The following RABGAP1L variants were observed in gnomAD, a reference collection of about 807,000 sequenced individuals.
The protein encoded by RABGAP1L is RAB GTPase activating protein 1 like.
In RABGAP1L, 63 loss-of-function variants were observed where a neutral mutation model predicts 137.7. The ratio of observed to expected loss-of-function variants is 0.46; its 90% CI spans 0.37 to 0.56. RABGAP1L has a LOEUF of 0.56. RABGAP1L is among the 20% of genes least tolerant of loss of function. The probability of loss-of-function intolerance (pLI) is 0.00; values close to 1 mark genes in which losing one functional copy is unlikely to be tolerated. For missense variants in RABGAP1L, 1,095 were observed against 1,244.0 expected (o/e 0.88, Z 1.80); for synonymous variants, 431 against 433.7 (o/e 0.99, Z 0.08).
intron 13 of RABGAP1L, among the ~76,000 whole-genome samples, chr1:174,444,823 T>G (rs1363645800): frequency 6.6e-6 from 1 of 152,054 alleles, no homozygotes; most frequent in African/African-American, 2.4e-5. Context: ...TGAGTCTTCT[T>G]TCTTTTTTGC....
intron 1 of RABGAP1L, among the ~76,000 whole-genome samples, chr1:174,203,072 C>G (rs1668247572): frequency 6.6e-6 from 1 of 152,134 alleles, no homozygotes; most frequent in Non-Finnish European, 1.5e-5. Context: ...GTCATGAAAT[C>G]TTTGCCTGTT....
chr1:174,311,044 G>C (rs945317529), intron 11 of RABGAP1L, among the ~76,000 whole-genome samples: 1 of 151,816 alleles, frequency 6.6e-6, no homozygotes, highest in Non-Finnish European at 1.5e-5. Context: ...GCCTCCCCCT[G>C]CAACCCATCA....
intron 13 of RABGAP1L, among the ~76,000 whole-genome samples, chr1:174,629,768 C>T (rs1389063900): frequency 6.6e-6 from 1 of 152,200 alleles, no homozygotes; most frequent in Non-Finnish European, 1.5e-5. Context: ...AGGCAATCCG[C>T]CCGCCTCAGC....
At chr1:174,497,459 T>G (rs1459322835) in intron 13 of RABGAP1L, among the ~76,000 whole-genome samples, 3 of 152,214 alleles carry the variant, frequency 2.0e-5, no homozygotes, top group Non-Finnish European at 4.4e-5. Context: ...TGCATTTTTG[T>G]TTTCAGCCCT....
chr1:174,230,018 A>G (rs1670503722), intron 3 of RABGAP1L, among the ~76,000 whole-genome samples: 1 of 152,126 alleles, frequency 6.6e-6, no homozygotes, highest in Admixed American at 6.5e-5. Flanking sequence ...ACAATGATAG[A>G]CTGGATTAAG....
intron 13 of RABGAP1L, among the ~76,000 whole-genome samples, chr1:174,540,771 A>T (rs1192017488): frequency 2.0e-5 from 3 of 152,194 alleles, no homozygotes; most frequent in Non-Finnish European, 4.4e-5. Context: ...TGTCTTGGCA[A>T]TGTGGGTTCT....
intron 13 of RABGAP1L, among the ~76,000 whole-genome samples, chr1:174,511,675 C>A (rs535975598): frequency 6.7e-6 from 1 of 149,942 alleles, no homozygotes; most frequent in African/African-American, 2.5e-5. Context: ...CAGGCTGGAG[C>A]GCAATGGCGT....
At chr1:174,720,253 A>ATAGG (rs758477089) in intron 17 of RABGAP1L, among the ~76,000 whole-genome samples, 1 of 87,936 alleles carries the variant, frequency 1.1e-5, no homozygotes, top group African/African-American at 7.8e-5. Flanking sequence ...CTAGATGTAG[A>ATAGG]TAGATAGATA....
rs193080496 is a variant in RABGAP1L at position 174,192,775 on chromosome 1, G to T, written c.-33-26350G>T. Among the ~76,000 whole-genome samples the T allele has an allele frequency of 1.3e-4, 20 of 152,222 alleles. No homozygotes were observed. The East Asian group carries it at 3.9e-3, about 29-fold the overall frequency. ...AGTGAAAGCCCCCACATGAAAATAGGAGAACAAAGGAATAGGTTTTTTGCC... is the reference window on the plus strand; with the variant it reads ...AGTGAAAGCCCCCACATGAAAATAGTAGAACAAAGGAATAGGTTTTTTGCC... On this transcript the variant is annotated intron_variant, in intron 1 of 25. Coordinates refer to ENST00000681986, the MANE Select transcript of RABGAP1L (RefSeq NM_001366446.1).
At position 174,328,004 on chromosome 1, in the gene RABGAP1L, T is replaced by TACACAC. The variant is rs1558136412; in HGVS notation, c.1465+22878_1465+22879insCACACA. Among the ~76,000 whole-genome samples the TACACAC allele has an allele frequency of 2.5e-5, 3 of 121,738 alleles. 1 individual carries two copies. Among genetic ancestry groups the TACACAC allele is most frequent in the African/African-American group, 1.4e-4 (3 of 21,098 alleles). The allele number at this position is 121,738 out of a possible 152,430, so 79.9% of individuals were successfully genotyped here. ...ACACACACATATATATATATATATATATATATATATATATATATATACCCA... is the reference window on the plus strand; with the variant it reads ...ACACACACATATATATATATATATATACACACATATATATATATATATATATACCCA... On this transcript the variant is annotated intron_variant, in intron 11 of 25. Transcript: ENST00000681986.
At chr1:174,262,838 C>T (rs1312312982) in intron 7 of RABGAP1L, among the ~76,000 whole-genome samples, 1 of 152,236 alleles carries the variant, frequency 6.6e-6, no homozygotes, top group African/African-American at 2.4e-5. Context: ...TTCTTCTTTG[C>T]AGCAAGCACA....
chr1:174,240,721 CTGCTCTG>C (rs1404619194), intron 4 of RABGAP1L, among the ~76,000 whole-genome samples: 7 of 152,202 alleles, frequency 4.6e-5, no homozygotes, highest in Middle Eastern at 3.2e-3. Context: ...CTAATAGGTG[CTGCTCTG>C]TATAGAAGTG....
At chr1:174,195,675 T>TCC (rs1553251458) in intron 1 of RABGAP1L, among the ~76,000 whole-genome samples, 1 of 77,302 alleles carries the variant, frequency 1.3e-5, no homozygotes, top group African/African-American at 5.9e-5. Context: ...TTCCTTTCCT[T>TCC]CTTTCCTTCT....
At chr1:174,746,546 ACT>A (rs1683879025) in intron 17 of RABGAP1L, among the ~76,000 whole-genome samples, 1 of 152,112 alleles carries the variant, frequency 6.6e-6, no homozygotes, top group African/African-American at 2.4e-5. Flanking sequence ...TTATCTTTTT[ACT>A]CTCTGCTCTC....
At chr1:174,896,241 C>A (rs1657146684) in intron 19 of RABGAP1L, among the ~76,000 whole-genome samples, 1 of 152,176 alleles carries the variant, frequency 6.6e-6, no homozygotes, top group South Asian at 2.1e-4. Flanking sequence ...TAAATGTCTT[C>A]TTTTGAGAAG....
At chr1:174,671,041 C>G (rs1677140635) in intron 14 of RABGAP1L, among the ~76,000 whole-genome samples, 1 of 151,096 alleles carries the variant, frequency 6.6e-6, no homozygotes, top group Admixed American at 6.6e-5. Flanking sequence ...TCTCCACATT[C>G]TTGCCAGCAT....
chr1:174,562,507 A>G (rs1667288343), intron 13 of RABGAP1L, among the ~76,000 whole-genome samples: 1 of 152,220 alleles, frequency 6.6e-6, no homozygotes, highest in Non-Finnish European at 1.5e-5. Flanking sequence ...ATTACTCAGT[A>G]TATACCCAAA....
Position 174,693,028 on chromosome 1 carries a change from A to C in RABGAP1L, c.1900-6497A>C, listed in dbSNP as rs968497656. The stretch of plus-strand genomic sequence containing the variant: ...CTCCTGCAGCGCCTTTTGTATATTC[A>C]TGATCTGTTTCTGGGCAAAGTTTTG... On this transcript the variant is annotated intron_variant, in intron 15 of 25. Transcript: ENST00000681986. Among the ~76,000 whole-genome samples the C allele has an allele frequency of 2.6e-5, 4 of 152,156 alleles. No homozygotes were observed. The South Asian group carries it at 8.3e-4, about 31-fold the overall frequency.
At chr1:174,185,288 C>T (rs566141254) in intron 1 of RABGAP1L, among the ~76,000 whole-genome samples, 39 of 152,258 alleles carry the variant, frequency 2.6e-4, no homozygotes, top group South Asian at 1.7e-3. Flanking sequence ...AGGGATCATT[C>T]AGTAAGCAAG....
Sources: gnomAD v4.1 joint callset for allele counts (sites outside exome capture counted in the v4.1 genomes callset) on GRCh38, gnomAD v4.1.1 for gene constraint, MANE v1.5 for transcripts, NCBI Gene and HGNC (gene_info 2026-07-23, HGNC 2026-07-21) for gene names.